The following ISX variants were observed in gnomAD, a reference collection of about 807,000 sequenced individuals.
ISX encodes the protein intestine specific homeobox.
A neutral mutation model predicts 16.9 loss-of-function variants in ISX; 15 were observed. The ratio of observed to expected loss-of-function variants is 0.89; its 90% CI spans 0.59 to 1.36. The LOEUF (loss-of-function observed/expected upper bound fraction) is 1.36. Ranked by LOEUF, ISX falls within the 40% of genes most tolerant of loss-of-function variation. The pLI is 0.00. For missense variants in ISX, 316 were observed against 306.1 expected, an observed-to-expected ratio of 1.03 and a Z score of -0.24; for synonymous variants, 125 against 119.7, an observed-to-expected ratio of 1.04 and a Z score of -0.29.
intron 2 of ISX, 79 bp from the exon 3 acceptor site, chr22:35,082,439 T>A: frequency 7.1e-7 from 1 of 1,415,550 alleles, no homozygotes; most frequent in Non-Finnish European, 9.8e-7. Context: ...GGTGGAAGGG[T>A]AGGACAAGGC....
rs535959422 is a variant in ISX at position 35,082,700 on chromosome 22, T to G, written c.381+31T>G. On this transcript the variant is annotated intron_variant, in intron 3 of 4. Coordinates refer to ENST00000404699, the MANE Select transcript of ISX (RefSeq NM_001303508.2). Reference sequence around the variant, plus strand: ...GCCATCCCTACCTCAGCCCCCAGCCTCCATGCCCTTGGGACCATGTGTGAG... The same window carrying G: ...GCCATCCCTACCTCAGCCCCCAGCCGCCATGCCCTTGGGACCATGTGTGAG... 3.2e-5 allele frequency: 52 copies of G among 1,611,848 alleles called. No homozygotes were observed. The South Asian group carries it at 5.3e-4, about 16-fold the overall frequency.
At chr22:35,079,446 T>C (rs968881267) in intron 2 of ISX, among the ~76,000 whole-genome samples, 4 of 152,334 alleles carry the variant, frequency 2.6e-5, no homozygotes, top group Admixed American at 6.5e-5. Flanking sequence ...CATATATTTG[T>C]TAAGCTCTCT....
intron 3 of ISX, among the ~76,000 whole-genome samples, chr22:35,083,800 C>T (rs1038368738): frequency 6.6e-6 from 1 of 152,210 alleles, no homozygotes; most frequent in Non-Finnish European, 1.5e-5. Flanking sequence ...AGCCACAAAG[C>T]CCAGAATTCA....
intron 2 of ISX, among the ~76,000 whole-genome samples, chr22:35,081,617 G>A (rs1929124703): frequency 6.6e-6 from 1 of 152,086 alleles, no homozygotes; most frequent in Non-Finnish European, 1.5e-5. Context: ...GGTGGGGAAG[G>A]GAACTGGGCA....
chr22:35,074,697 A>G (rs1234286369), intron 2 of ISX, among the ~76,000 whole-genome samples: 1 of 152,230 alleles, frequency 6.6e-6, no homozygotes, highest in Non-Finnish European at 1.5e-5. Flanking sequence ...GGCAAGAAGG[A>G]TAACTAAACA....
intron 4 of ISX, 74 bp downstream of exon 4, chr22:35,084,573 A>G: frequency 1.0e-6 from 1 of 959,472 alleles, no homozygotes. Context: ...CCCAGATGTG[A>G]AGAAGCACCT....
At position 35,074,585 on chromosome 22, in the gene ISX, C is replaced by A. The variant is rs367868402; in HGVS notation, c.229+7269C>A. Among the ~76,000 whole-genome samples the A allele has an allele frequency of 8.5e-5, 13 of 152,312 alleles. No homozygotes were observed. In the East Asian group the frequency reaches 2.1e-3, roughly 25 times the overall value. ...TCCTCCTGTTTGCAAAGCCCTGTGG[C>A]TTTGTAGATCTCTAATCTGGGCATT... On this transcript the variant is annotated intron_variant, in intron 2 of 4. Transcript: ENST00000404699.
chr22:35,078,416 A>G (rs549812223), intron 2 of ISX, among the ~76,000 whole-genome samples: 3 of 152,210 alleles, frequency 2.0e-5, no homozygotes, highest in South Asian at 2.1e-4. Context: ...GACTTCAGCT[A>G]TATCCCTTAA....
chr22:35,066,882 A>G lies in ISX; in HGVS notation c.-206A>G, dbSNP rs1220696784. ...CTGGTAAGGGCTGAGCCGTGGGCACAGGATACCACTCCTTCCAGCTCTTCT... is the reference window on the plus strand; with the variant it reads ...CTGGTAAGGGCTGAGCCGTGGGCACGGGATACCACTCCTTCCAGCTCTTCT... On this transcript the variant is annotated 5_prime_UTR_variant, in exon 2 of 5. Transcript: ENST00000404699. 14 of 564,534 alleles carry G rather than the reference A, an allele frequency of 2.5e-5. No homozygotes were observed. The highest frequency in any genetic ancestry group is 4.1e-5 in the Non-Finnish European group (13 of 317,092). 35.0% of individuals were successfully genotyped at this position (564,534 alleles called of 1,614,324 possible).
intron 2 of ISX, among the ~76,000 whole-genome samples, chr22:35,069,131 C>T (rs1427190066): frequency 1.3e-5 from 2 of 152,108 alleles, no homozygotes; most frequent in Non-Finnish European, 2.9e-5. Flanking sequence ...TTTATACTAA[C>T]CTTGTATTTA....
At chr22:35,080,336 T>C (rs946607639) in intron 2 of ISX, among the ~76,000 whole-genome samples, 30 of 152,322 alleles carry the variant, frequency 2.0e-4, no homozygotes, top group African/African-American at 7.2e-4. Flanking sequence ...AACTTATCAA[T>C]GCATCTTCCT....
chr22:35,085,267 A>C (rs1454679384), intron 4 of ISX, among the ~76,000 whole-genome samples, 187 bp from the exon 5 acceptor site: 1 of 152,184 alleles, frequency 6.6e-6, no homozygotes. Context: ...ACCTACAGTA[A>C]CCAACCATCC....
In ISX at chr22:35,067,192, G is replaced by A. The variant is rs760200279; in HGVS notation, c.105G>A (p.Ala35=). 1.4e-5 allele frequency: 22 copies of A among 1,611,972 alleles called. No homozygotes were observed. The highest frequency in any genetic ancestry group is 1.6e-4 in the Middle Eastern group (1 of 6,078). ...TGAGCCTGTCCTTCTCCATTGAGGC[G>A]ATCCTAAAGAGGCCTGCCAGGAGGA... The part of the protein sequence containing the change: ...KKLSLSFSIE[A]ILKRPARRSD... Residue 35 remains alanine, a synonymous_variant, in exon 2 of 5, where the codon GCG becomes GCA. Transcript: ENST00000404699.
rs778900982 is a variant in ISX at position 35,085,597 on chromosome 22, C to T, written c.642C>T (p.Val214=). The change falls in exon 5 of 5, where the codon GTC becomes GTT. Residue 214 remains valine, a synonymous_variant. Transcript: ENST00000404699. ...LPAHPWETQP[V]PGLPIHQTCI... ...CGCACCCATGGGAAACACAGCCTGT[C>T]CCAGGTCTTCCCATCCATCAAACTT... 1 of 1,614,240 alleles carries T rather than the reference C, an allele frequency of 6.2e-7. No individual in the cohort carries two copies. The highest frequency in any genetic ancestry group is 1.1e-5 in the South Asian group (1 of 91,088).
At chr22:35,079,363 G>A (rs931034143) in intron 2 of ISX, among the ~76,000 whole-genome samples, 2 of 152,110 alleles carry the variant, frequency 1.3e-5, no homozygotes, top group Non-Finnish European at 2.9e-5. Context: ...AGTTTTAGAC[G>A]AATCCTGTGG....
At position 35,085,493 on chromosome 22, in the gene ISX, C is replaced by G; in HGVS notation, c.538C>G (p.Pro180Ala). 6.2e-7 allele frequency: 1 copy of G among 1,614,200 alleles called. No individual in the cohort carries two copies. The highest frequency in any genetic ancestry group is 8.5e-7 in the Non-Finnish European group (1 of 1,180,016). The change falls in exon 5 of 5, where the codon CCT becomes GCT. Residue 180 changes from proline to alanine, a missense_variant. Coordinates refer to ENST00000404699, the MANE Select transcript of ISX (RefSeq NM_001303508.2). Reference protein sequence around the residue: ...WTSTALRRLAPPTSCCPSAQD... With the variant: ...WTSTALRRLAAPTSCCPSAQD... ...ATCCACTGCTCTGCGCAGGCTGGCT[C>G]CTCCCACGAGCTGTTGTCCATCGGC...
At chr22:35,081,179 GT>G (rs746749964) in intron 2 of ISX, among the ~76,000 whole-genome samples, 2 of 152,254 alleles carry the variant, frequency 1.3e-5, no homozygotes, top group Non-Finnish European at 2.9e-5. Flanking sequence ...ATCAGCAGAT[GT>G]TAGAATTGCA....
At chr22:35,073,974 C>T (rs1928919343) in intron 2 of ISX, among the ~76,000 whole-genome samples, 1 of 152,210 alleles carries the variant, frequency 6.6e-6, no homozygotes, top group Admixed American at 6.5e-5. Flanking sequence ...TGGAGAGGGA[C>T]ATGTATTGCC....
chr22:35,073,813 G>T (rs539155077), intron 2 of ISX, among the ~76,000 whole-genome samples: 1 of 152,248 alleles, frequency 6.6e-6, no homozygotes. Context: ...CGCTGGCCTT[G>T]TAGGCTATGG....
Sources: allele counts gnomAD v4.1 joint callset (sites outside exome capture counted in the v4.1 genomes callset), GRCh38; gene constraint gnomAD v4.1.1; transcripts MANE v1.5; gene names NCBI Gene and HGNC (gene_info 2026-07-23, HGNC 2026-07-21).